The following MCC variants were observed in gnomAD, a reference collection of about 807,000 sequenced individuals.
MCC encodes MCC regulator of Wnt signaling pathway, also known as colorectal mutant cancer protein.
In MCC, 90 loss-of-function variants were observed where a neutral mutation model predicts 116.2. That is an observed-to-expected ratio of 0.77 (90% CI 0.65 to 0.92). MCC has a LOEUF of 0.92. MCC is among the 40% of genes least tolerant of loss of function. The pLI is 0.00. For missense variants in MCC, 1,516 were observed against 1,312.2 expected, an observed-to-expected ratio of 1.16 and a Z score of -2.40; for synonymous variants, 578 against 510.5, an observed-to-expected ratio of 1.13 and a Z score of -1.78.
intron 3 of MCC, among the ~76,000 whole-genome samples, chr5:113,215,973 C>A (rs1380586306): frequency 6.6e-6 from 1 of 152,210 alleles, no homozygotes; most frequent in Non-Finnish European, 1.5e-5. Flanking sequence ...ACTGTTGTTT[C>A]TCAGTTATAT....
intron 14 of MCC, among the ~76,000 whole-genome samples, chr5:113,061,380 C>T (rs1235478059): frequency 4.6e-5 from 7 of 152,338 alleles, no homozygotes; most frequent in Admixed American, 1.3e-4. Flanking sequence ...AGGCCTGCCA[C>T]AGAGGGTGGG....
intron 3 of MCC, among the ~76,000 whole-genome samples, chr5:113,249,093 C>A (rs1347849070): frequency 2.0e-5 from 3 of 152,038 alleles, no homozygotes; most frequent in Non-Finnish European, 4.4e-5. Context: ...CTGCCTGCCT[C>A]GGCCTCCCAA....
chr5:113,227,819 A>G (rs749358649), intron 3 of MCC, among the ~76,000 whole-genome samples: 137 of 152,224 alleles, frequency 9.0e-4, no homozygotes, highest in Non-Finnish European at 1.7e-3. Context: ...TACAAGATCT[A>G]TCATTTTCCA....
intron 3 of MCC, among the ~76,000 whole-genome samples, chr5:113,265,996 AAG>A (rs1036874133): frequency 6.6e-6 from 1 of 152,120 alleles, no homozygotes; most frequent in Non-Finnish European, 1.5e-5. Context: ...TAAATTTAGG[AAG>A]AGAGACAGTA....
chr5:113,210,497 C>T (rs376626384), intron 3 of MCC, among the ~76,000 whole-genome samples: 20 of 151,980 alleles, frequency 1.3e-4, no homozygotes, highest in African/African-American at 4.6e-4. Flanking sequence ...AATGTGTATC[C>T]CCAGACTCAG....
intron 17 of MCC, among the ~76,000 whole-genome samples, chr5:113,033,891 G>A (rs1279130074): frequency 1.3e-5 from 2 of 152,060 alleles, no homozygotes; most frequent in African/African-American, 4.8e-5. Flanking sequence ...CAGAGCCAGG[G>A]TGGGACTTTT....
At position 113,029,063 on chromosome 5, in the gene MCC, T is replaced by TA. The variant is rs774719809; in HGVS notation, c.2757-8dup. 6.2e-7 allele frequency: 1 copy of TA among 1,606,224 alleles called. No individual in the cohort carries two copies. The highest frequency in any genetic ancestry group is 2.2e-5 in the East Asian group (1 of 44,642). Reference sequence around the variant, plus strand: ...GGCCTTCAACTTCTTTTCTCTATATTAAAGGAGACAAAATATGCCAGGAGT... The same window carrying TA: ...GGCCTTCAACTTCTTTTCTCTATATTAAAAGGAGACAAAATATGCCAGGAGT... On this transcript the variant is annotated splice_region_variant and splice_polypyrimidine_tract_variant and intron_variant, in intron 17 of 18. Coordinates refer to ENST00000408903, the MANE Select transcript of MCC (RefSeq NM_001085377.2).
intron 14 of MCC, among the ~76,000 whole-genome samples, chr5:113,059,216 C>T (rs1325165826): frequency 1.3e-5 from 2 of 152,130 alleles, no homozygotes; most frequent in African/African-American, 2.4e-5. Flanking sequence ...CTTTAAAATG[C>T]TTTTAGTGGA....
chr5:113,198,037 C>T (rs375897266), intron 3 of MCC, among the ~76,000 whole-genome samples: 3 of 152,358 alleles, frequency 2.0e-5, no homozygotes, highest in East Asian at 3.9e-4. Context: ...TGGCCAGCCA[C>T]GCTGTGAGCC....
intron 14 of MCC, among the ~76,000 whole-genome samples, chr5:113,062,318 A>C (rs2150228603): frequency 6.6e-6 from 1 of 152,380 alleles, no homozygotes; most frequent in East Asian, 1.9e-4. Flanking sequence ...CTAACCTGTA[A>C]GTTCAAGTAC....
chr5:113,409,143 C>T (rs1769911723), intron 1 of MCC, among the ~76,000 whole-genome samples: 1 of 152,096 alleles, frequency 6.6e-6, no homozygotes, highest in African/African-American at 2.4e-5. Flanking sequence ...ACTGCATTAC[C>T]CTATATTTGT....
intron 1 of MCC, among the ~76,000 whole-genome samples, chr5:113,465,235 A>G (rs1771868786): frequency 6.6e-6 from 1 of 152,002 alleles, no homozygotes; most frequent in East Asian, 1.9e-4. Context: ...AGATGCAAAT[A>G]TATGTTTTTC....
intron 6 of MCC, among the ~76,000 whole-genome samples, chr5:113,112,655 A>G (rs1167893026): frequency 2.0e-5 from 3 of 152,212 alleles, no homozygotes; most frequent in African/African-American, 7.2e-5. Context: ...AAGCCTTCCC[A>G]GCCCTTTGGC....
chr5:113,176,215 A>G (rs527465618), intron 3 of MCC, among the ~76,000 whole-genome samples: 1 of 150,834 alleles, frequency 6.6e-6, no homozygotes, highest in African/African-American at 2.5e-5. Context: ...ATATTAAAAC[A>G]TGACATAAGA....
At chr5:113,183,258 G>A (rs1413600974) in intron 3 of MCC, among the ~76,000 whole-genome samples, 2 of 152,156 alleles carry the variant, frequency 1.3e-5, no homozygotes, top group Non-Finnish European at 2.9e-5. Flanking sequence ...GAAAATCTAA[G>A]CTGTGTGTGC....
chr5:113,228,686 ATGAATTGAC>A (rs1763835570), intron 3 of MCC, among the ~76,000 whole-genome samples: 1 of 152,218 alleles, frequency 6.6e-6, no homozygotes, highest in Admixed American at 6.5e-5. Context: ...GAGGAATAAC[ATGAATTGAC>A]TTATATTTTA....
At chr5:113,142,846 C>G (rs1049798187) in intron 5 of MCC, among the ~76,000 whole-genome samples, 1 of 113,622 alleles carries the variant, frequency 8.8e-6, no homozygotes, top group Non-Finnish European at 2.3e-5. Flanking sequence ...ATCAAAGCAG[C>G]AGCAGGGATG....
chr5:113,163,116 C>G (rs1022948809), intron 3 of MCC, among the ~76,000 whole-genome samples: 4 of 152,104 alleles, frequency 2.6e-5, no homozygotes, highest in African/African-American at 9.7e-5. Context: ...CGCTTTGCAC[C>G]CTCTGCCTCA....
intron 13 of MCC, among the ~76,000 whole-genome samples, chr5:113,064,884 A>C (rs756908775): frequency 1.5e-4 from 23 of 152,156 alleles, no homozygotes; most frequent in African/African-American, 5.5e-4. Context: ...AAAAGACAGA[A>C]CTATAGAGAT....
Sources: gnomAD v4.1 joint callset for allele counts (sites outside exome capture counted in the v4.1 genomes callset) on GRCh38, gnomAD v4.1.1 for gene constraint, MANE v1.5 for transcripts, NCBI Gene and HGNC (gene_info 2026-07-23, HGNC 2026-07-21) for gene names.